The following VPS35L variants were observed in gnomAD, a reference collection of about 807,000 sequenced individuals.
VPS35L encodes VPS35 endosomal protein-sorting factor-like.
VPS35L carries 83 observed loss-of-function variants against 133.0 expected under a neutral mutation model. The ratio of observed to expected loss-of-function variants is 0.62; its 90% CI spans 0.52 to 0.75. The LOEUF (loss-of-function observed/expected upper bound fraction) is 0.75. Among genes scored for constraint, VPS35L ranks in the 30% least tolerant of loss-of-function variants. VPS35L has a pLI of 0.00. For missense variants in VPS35L, 1,083 were observed against 1,206.8 expected (o/e 0.90, Z 1.52); for synonymous variants, 423 against 449.9 (o/e 0.94, Z 0.76).
chr16:19,642,079 G>A (rs1224344415), intron 21 of VPS35L, among the ~76,000 whole-genome samples: 2 of 152,074 alleles, frequency 1.3e-5, no homozygotes, highest in Non-Finnish European at 2.9e-5. Context: ...GTGTGGTGAC[G>A]CACGTATGTA....
At chr16:19,614,053 G>GT (rs111784424) in intron 12 of VPS35L, among the ~76,000 whole-genome samples, 4,642 of 152,154 alleles carry the variant, frequency 0.031, 227 homozygotes, top group African/African-American at 0.1. Flanking sequence ...GCTTGAAGCT[G>GT]TTATTAAAGG....
At chr16:19,658,076 A>T (rs1974362427) in intron 26 of VPS35L, among the ~76,000 whole-genome samples, 1 of 152,176 alleles carries the variant, frequency 6.6e-6, no homozygotes. Flanking sequence ...AACCCACAGA[A>T]AAAGGGCACG....
chr16:19,600,955 G>T (rs1597347278), intron 8 of VPS35L, among the ~76,000 whole-genome samples: 1 of 152,072 alleles, frequency 6.6e-6, no homozygotes, highest in African/African-American at 2.4e-5. Flanking sequence ...TTTGAGACAG[G>T]GTCTTGCTCT....
chr16:19,699,486 C>T lies in VPS35L; in HGVS notation c.2647-16C>T, dbSNP rs1567500418. The T allele has an allele frequency of 1.2e-6, 2 of 1,613,810 alleles. No homozygotes were observed. The highest frequency in any genetic ancestry group is 2.2e-5 in the East Asian group (1 of 44,848). On this transcript the variant is annotated splice_polypyrimidine_tract_variant and intron_variant, in intron 29 of 30. Coordinates refer to ENST00000417362, the MANE Select transcript of VPS35L (RefSeq NM_020314.7). The surrounding 1 kb of genome is among the most constrained non-coding windows in gnomAD (Gnocchi z 4.2). Reference sequence around the variant, plus strand: ...GAGCCCCAGTGCAAGGCAGTAACCTCCCTTTTCTGTTTCAGGCCCTGAAGC... The same window carrying T: ...GAGCCCCAGTGCAAGGCAGTAACCTTCCTTTTCTGTTTCAGGCCCTGAAGC...
intron 7 of VPS35L, among the ~76,000 whole-genome samples, chr16:19,590,921 C>A (rs1972023814): frequency 6.6e-6 from 1 of 152,122 alleles, no homozygotes; most frequent in Non-Finnish European, 1.5e-5. Context: ...CACCAATGCA[C>A]TCCAGCCCGA....
Position 19,568,450 on chromosome 16 carries a change from A to G in VPS35L, c.118-974A>G, listed in dbSNP as rs141581822. 2.7e-3 allele frequency among the ~76,000 whole-genome samples: 409 copies of G among 149,854 alleles called. 2 individuals carry two copies. The highest frequency in any genetic ancestry group is 9.8e-3 in the African/African-American group (397 of 40,656). On this transcript the variant is annotated intron_variant, in intron 2 of 30. Coordinates refer to ENST00000417362, the MANE Select transcript of VPS35L (RefSeq NM_020314.7). ...AGGCATCGTTGCATAGGCATGATTG[A>G]TTATTCATTCGGTCTCCAGCCCTCT...
At chr16:19,591,251 A>T (rs1972033797) in intron 7 of VPS35L, among the ~76,000 whole-genome samples, 1 of 152,190 alleles carries the variant, frequency 6.6e-6, no homozygotes, top group Non-Finnish European at 1.5e-5. Flanking sequence ...AATCAACAGA[A>T]GAAGCCAGTC....
At chr16:19,563,697 A>G (rs1332540425) in intron 1 of VPS35L, among the ~76,000 whole-genome samples, 1 of 152,206 alleles carries the variant, frequency 6.6e-6, no homozygotes, top group African/African-American at 2.4e-5. Flanking sequence ...ACCAATGAAA[A>G]CACAGTGAGC....
At chr16:19,641,945 C>T (rs995672124) in intron 21 of VPS35L, among the ~76,000 whole-genome samples, 2 of 152,224 alleles carry the variant, frequency 1.3e-5, no homozygotes, top group Admixed American at 1.3e-4. Flanking sequence ...TGCGGTGGCT[C>T]ACGCCCGTAA....
chr16:19,628,657 G>A lies in VPS35L; in HGVS notation c.1404G>A (p.Leu468=), dbSNP rs1350464836. ...CTTAGCATCTTCTTTTTCGATCACT[G>A]GGATTAAACTTGGCCTTGGCTGATC... ...GFPKHLLFRS[L]GLNLALADPP... is the part of the protein sequence containing the mutation. The change falls in exon 17 of 31, where the codon CTG becomes CTA. Residue 468 remains leucine (L), a synonymous_variant. Transcript: ENST00000417362. 6.3e-7 allele frequency: 1 copy of A among 1,587,522 alleles called. No homozygotes were observed. The highest frequency in any genetic ancestry group is 8.6e-7 in the Non-Finnish European group (1 of 1,162,448).
At chr16:19,573,428 GGTTTCCC>G in intron 4 of VPS35L, 187 bp downstream of exon 4, 1 of 589,058 alleles carries the variant, frequency 1.7e-6, no homozygotes, top group Non-Finnish European at 2.7e-6. Context: ...TGTGCTGACA[GGTTTCCC>G]AAAAAAAAAT....
At chr16:19,685,921 C>T (rs1282387772) in intron 28 of VPS35L, among the ~76,000 whole-genome samples, 1 of 152,030 alleles carries the variant, frequency 6.6e-6, no homozygotes, top group Non-Finnish European at 1.5e-5. Context: ...TCCCTCCTCT[C>T]CTTCCTCTCC....
intron 12 of VPS35L, chr16:19,611,892 T>A (rs1972733727): frequency 6.6e-6 from 1 of 152,010 alleles, no homozygotes; most frequent in African/African-American, 2.4e-5. Context: ...CAGAACACAA[T>A]GCCACATCCT....
At chr16:19,688,193 C>T (rs2151623352) in intron 28 of VPS35L, among the ~76,000 whole-genome samples, 1 of 152,198 alleles carries the variant, frequency 6.6e-6, no homozygotes, top group East Asian at 2.0e-4. Context: ...TCCCAAAGTG[C>T]TGGGATTACA....
At chr16:19,659,734 C>G (rs1312840980) in intron 26 of VPS35L, among the ~76,000 whole-genome samples, 1 of 152,216 alleles carries the variant, frequency 6.6e-6, no homozygotes. Flanking sequence ...GACCACAAGG[C>G]TTTGCCAAAG....
intron 22 of VPS35L, among the ~76,000 whole-genome samples, chr16:19,642,810 G>A (rs1254863334): frequency 6.6e-6 from 1 of 152,122 alleles, no homozygotes; most frequent in Non-Finnish European, 1.5e-5. Flanking sequence ...CAGTAATATA[G>A]CCTTTTTATT....
chr16:19,555,725 G>C lies in VPS35L; in HGVS notation c.-5G>C. 6.3e-7 allele frequency: 1 copy of C among 1,595,128 alleles called. No individual in the cohort carries two copies. The highest frequency in any genetic ancestry group is 8.5e-7 in the Non-Finnish European group (1 of 1,170,750). On this transcript the variant is annotated 5_prime_UTR_variant, in exon 1 of 31. Coordinates refer to ENST00000417362, the MANE Select transcript of VPS35L (RefSeq NM_020314.7). The stretch of plus-strand genomic sequence containing the variant: ...CCCAGAACAAGCGGTCATGTGACTG[G>C]GAAGATGGCCGTCTTTCCTTGGTAA...
chr16:19,637,496 A>T (rs1030951983), intron 19 of VPS35L, 98 bp from the exon 20 acceptor site: 70 of 825,226 alleles, frequency 8.5e-5, no homozygotes, highest in Admixed American at 5.8e-4. Flanking sequence ...TTGCCTTTTT[A>T]AAAAAAAATT....
At chr16:19,642,611 C>A (rs762143908) in intron 22 of VPS35L, 135 bp downstream of exon 22, 1 of 698,870 alleles carries the variant, frequency 1.4e-6, no homozygotes, top group Non-Finnish European at 2.2e-6. Flanking sequence ...TTTTTGCTAA[C>A]GAGGACATTC....
Sources: allele counts gnomAD v4.1 joint callset (sites outside exome capture counted in the v4.1 genomes callset), GRCh38; gene constraint gnomAD v4.1.1; non-coding constraint Gnocchi (gnomAD v3.1); transcripts MANE v1.5; gene names NCBI Gene and HGNC (gene_info 2026-07-23, HGNC 2026-07-21).